SZRD1: variants seen among roughly 807,000 people sequenced by gnomAD.
SZRD1 encodes the protein SUZ RNA binding domain containing 1, also known as SUZ RNA-binding domain-containing.
SZRD1 carries 7 observed loss-of-function variants against 17.6 expected under a neutral mutation model. The observed-to-expected ratio is 0.40, with a 90% CI of 0.23 to 0.75. The LOEUF (loss-of-function observed/expected upper bound fraction) is 0.75, where lower values mean the gene tolerates loss of function less well. SZRD1 is among the 30% of genes least tolerant of loss of function. The pLI is 0.38. For synonymous variants in SZRD1, 77 were observed against 77.9 expected (o/e 0.99, Z 0.06); for missense variants, 178 against 201.8 (o/e 0.88, Z 0.71).
intron 1 of SZRD1, chr1:16,369,373 G>C (rs2082873756): frequency 3.1e-6 from 3 of 963,506 alleles, no homozygotes; most frequent in Non-Finnish European, 1.7e-6. Flanking sequence ...AAGGTTCTCA[G>C]CTTTTCCGTT....
chr1:16,390,807 G>A (rs1035562914), intron 1 of SZRD1, among the ~76,000 whole-genome samples: 5 of 152,268 alleles, frequency 3.3e-5, no homozygotes, highest in Non-Finnish European at 7.4e-5. Context: ...GCTGGGTTGT[G>A]CAGGATCAAT....
At chr1:16,387,366 C>G in intron 1 of SZRD1, 1 of 453,994 alleles carries the variant, frequency 2.2e-6, no homozygotes, top group South Asian at 1.6e-5. Context: ...CTCAAATTCA[C>G]TCTAATGTGT....
At chr1:16,379,994 C>T (rs934984985) in intron 1 of SZRD1, among the ~76,000 whole-genome samples, 4 of 151,882 alleles carry the variant, frequency 2.6e-5, no homozygotes, top group African/African-American at 4.8e-5. Context: ...TTCTTTAATT[C>T]GTGTGTTGGG....
chr1:16,397,030 A>G lies in SZRD1; in HGVS notation c.*1890A>G, dbSNP rs1464120737. On this transcript the variant is annotated 3_prime_UTR_variant, in exon 4 of 4. Transcript: ENST00000401088. The surrounding 1 kb of genome is among the most constrained non-coding windows in gnomAD (Gnocchi z 5.4). ...AATGTGTAGTGTCCATCCCTTATGT[A>G]ATAGTGGTTTCCCGCCCAAAGTGAG... is the stretch of plus-strand genomic sequence containing the variant. 6.6e-6 allele frequency: 1 copy of G among 152,268 alleles called. No individual in the cohort carries two copies. The highest frequency in any genetic ancestry group is 2.4e-5 in the African/African-American group (1 of 41,446). The allele number at this position is 152,268 out of a possible 1,614,324, so 9.4% of individuals were successfully genotyped here. A position where few individuals can be genotyped will look rare whatever the true frequency, so the allele number is the denominator to read the frequency against.
At chr1:16,381,751 G>GTT (rs1469122008) in intron 1 of SZRD1, among the ~76,000 whole-genome samples, 1 of 151,518 alleles carries the variant, frequency 6.6e-6, no homozygotes. Context: ...GGGCAACATG[G>GTT]TGAAGCTCTG....
chr1:16,380,235 G>T (rs1029818715), intron 1 of SZRD1, among the ~76,000 whole-genome samples: 3 of 152,132 alleles, frequency 2.0e-5, no homozygotes, highest in African/African-American at 7.2e-5. Context: ...ATCTACTTGG[G>T]AGGCTGAGGC....
intron 1 of SZRD1, among the ~76,000 whole-genome samples, chr1:16,385,923 C>G (rs1450543089): frequency 6.6e-6 from 1 of 152,184 alleles, no homozygotes; most frequent in Admixed American, 6.6e-5. Context: ...CGAGAACCAC[C>G]TTCCTCCCCA....
intron 1 of SZRD1, among the ~76,000 whole-genome samples, chr1:16,368,329 G>GT (rs1040693337): frequency 2.6e-5 from 4 of 151,858 alleles, no homozygotes; most frequent in East Asian, 1.9e-4. Flanking sequence ...TAGGCGCTGG[G>GT]TTTTTTTTCC....
At chr1:16,388,079 A>G (rs1225828441) in intron 1 of SZRD1, among the ~76,000 whole-genome samples, 1 of 152,140 alleles carries the variant, frequency 6.6e-6, no homozygotes, top group Non-Finnish European at 1.5e-5. Flanking sequence ...TGGCCCCTCC[A>G]GAGATTTGAT....
intron 1 of SZRD1, chr1:16,367,584 GA>G (rs2082843870): frequency 2.0e-6 from 1 of 505,218 alleles, no homozygotes; most frequent in Non-Finnish European, 3.5e-6. Flanking sequence ...CTCCTTTCCT[GA>G]CCCCCCGCGC....
rs777004673 is a variant in SZRD1, at chr1:16,393,450, C to T, written c.324C>T (p.Pro108=). 3.9e-5 allele frequency: 63 copies of T among 1,613,438 alleles called. No individual in the cohort carries two copies. The highest frequency in any genetic ancestry group is 2.1e-4 in the African/African-American group (16 of 74,918). The stretch of plus-strand genomic sequence containing the variant: ...AGCGGATCCTGGGCAGCGCCAGCCC[C>T]GAGGAGGAGCAGGAGAAACCCATCC... ...ARKRILGSAS[P]EEEQEKPILD... The change falls in exon 3 of 4, where the codon CCC becomes CCT. Residue 108 remains proline (P), a synonymous_variant. Coordinates refer to ENST00000401088, the MANE Select transcript of SZRD1 (RefSeq NM_001114600.3). This position sits in a 1 kb window ranked among gnomAD's most constrained non-coding sequence, Gnocchi z 5.6.
chr1:16,378,105 G>T (rs1465304035), intron 1 of SZRD1, among the ~76,000 whole-genome samples: 1 of 151,956 alleles, frequency 6.6e-6, no homozygotes, highest in Non-Finnish European at 1.5e-5. Context: ...TGCCTATCCC[G>T]TTACTTTCAG....
intron 1 of SZRD1, among the ~76,000 whole-genome samples, chr1:16,376,130 TC>T (rs2100704671): frequency 6.6e-6 from 1 of 152,308 alleles, no homozygotes; most frequent in Non-Finnish European, 1.5e-5. Flanking sequence ...TTATTCCTGG[TC>T]CGGGGAGGAA....
chr1:16,387,770 G>A (rs535775509), intron 1 of SZRD1: 6 of 448,026 alleles, frequency 1.3e-5, no homozygotes, highest in African/African-American at 1.0e-4. Context: ...AAAACAAGAA[G>A]TTACTTGTGA....
intron 1 of SZRD1, among the ~76,000 whole-genome samples, chr1:16,368,329 GT>G (rs1040693337): frequency 6.6e-6 from 1 of 151,858 alleles, no homozygotes; most frequent in Non-Finnish European, 1.5e-5. Flanking sequence ...TAGGCGCTGG[GT>G]TTTTTTTCCT....
intron 1 of SZRD1, 78 bp downstream of exon 1, chr1:16,367,386 G>A (rs1291243591): frequency 1.0e-5 from 14 of 1,392,064 alleles, no homozygotes; most frequent in Non-Finnish European, 1.4e-5. Flanking sequence ...CGGGTCTGGA[G>A]ATAGTTCTCC....
chr1:16,371,547 C>T (rs1448769940), intron 1 of SZRD1, among the ~76,000 whole-genome samples: 1 of 151,160 alleles, frequency 6.6e-6, no homozygotes, highest in Non-Finnish European at 1.5e-5. Context: ...TTGCAAGCTC[C>T]GCCTCCCGGG....
chr1:16,376,613 C>T (rs1252797994), intron 1 of SZRD1, among the ~76,000 whole-genome samples: 2 of 152,054 alleles, frequency 1.3e-5, no homozygotes, highest in Non-Finnish European at 2.9e-5. Context: ...CCAGATCAGC[C>T]TGGCCAACAT....
At chr1:16,369,245 G>A (rs1268125281) in intron 1 of SZRD1, 3 of 558,754 alleles carry the variant, frequency 5.4e-6, no homozygotes, top group South Asian at 2.7e-5. Flanking sequence ...AACCAATCAC[G>A]TAAATTATTC....
Sources: allele counts gnomAD v4.1 joint callset (sites outside exome capture counted in the v4.1 genomes callset), GRCh38; gene constraint gnomAD v4.1.1; non-coding constraint Gnocchi (gnomAD v3.1); transcripts MANE v1.5; gene names NCBI Gene and HGNC (gene_info 2026-07-23, HGNC 2026-07-21).